KLHL13: variants seen among roughly 807,000 people sequenced by gnomAD.
The protein encoded by KLHL13 is kelch-like protein 13.
KLHL13 carries 10 observed loss-of-function variants against 37.1 expected under a neutral mutation model. The ratio of observed to expected loss-of-function variants is 0.27; its 90% CI spans 0.17 to 0.46. KLHL13 has a LOEUF of 0.46. Ranked by LOEUF, KLHL13 falls within the 20% of genes least tolerant of loss-of-function variation. The pLI, the probability that KLHL13 is intolerant of heterozygous loss-of-function variation, is 1.00. For synonymous variants in KLHL13, 163 were observed against 181.2 expected, an observed-to-expected ratio of 0.90 and a Z score of 0.81; for missense variants, 360 against 509.3, an observed-to-expected ratio of 0.71 and a Z score of 2.82.
intron 2 of KLHL13, among the ~76,000 whole-genome samples, chrX:117,938,360 T>C (rs1234142623): frequency 2.7e-5 from 3 of 111,468 alleles, no homozygotes; most frequent in African/African-American, 9.8e-5. Flanking sequence ...GAAAAGGCCA[T>C]GACTCGGTGG....
chrX:118,093,203 A>C (rs901699749), intron 1 of KLHL13, among the ~76,000 whole-genome samples: 1 of 112,167 alleles, frequency 8.9e-6, no homozygotes, highest in Non-Finnish European at 1.9e-5. Flanking sequence ...AACGTCTTAA[A>C]TAAAATGGCT....
intron 1 of KLHL13, among the ~76,000 whole-genome samples, chrX:117,970,911 T>G: frequency 8.9e-6 from 1 of 111,846 alleles, no homozygotes; most frequent in Non-Finnish European, 1.9e-5. Context: ...CAGCCTACCA[T>G]AAGCTCTTTG....
intron 1 of KLHL13, among the ~76,000 whole-genome samples, chrX:117,952,266 T>A (rs1285126375): frequency 9.0e-6 from 1 of 111,431 alleles, no homozygotes; most frequent in African/African-American, 3.3e-5. Context: ...TACAACTATC[T>A]GATCTTTGAC....
At chrX:117,985,231 G>A (rs912785804) in intron 1 of KLHL13, 1 of 1,119,965 alleles carries the variant, frequency 8.9e-7, no homozygotes. Flanking sequence ...GAAAAGAAAG[G>A]TCTCTTACCA....
At chrX:117,940,612 A>C (rs1932971243) in intron 2 of KLHL13, among the ~76,000 whole-genome samples, 1 of 111,244 alleles carries the variant, frequency 9.0e-6, no homozygotes, top group South Asian at 3.8e-4. Context: ...GTCCTCTCTT[A>C]TTTCCTTGAG....
intron 1 of KLHL13, among the ~76,000 whole-genome samples, chrX:118,035,528 G>C (rs1386907681): frequency 9.2e-6 from 1 of 108,874 alleles, no homozygotes; most frequent in African/African-American, 3.5e-5. Flanking sequence ...AAAGGCCTTT[G>C]ACAAAATTCA....
At chrX:117,973,826 C>T (rs1321986652), upstream of KLHL13, 2 of 556,002 alleles carry the variant, frequency 3.6e-6, no homozygotes, top group Non-Finnish European at 4.3e-6. Flanking sequence ...ACCACCCCCC[C>T]CACTCCTCCC....
At chrX:117,996,498 T>C (rs2053855381) in intron 1 of KLHL13, among the ~76,000 whole-genome samples, 1 of 112,017 alleles carries the variant, frequency 8.9e-6, no homozygotes, top group Non-Finnish European at 1.9e-5. Context: ...TTATGTATGT[T>C]ATAAATACTT....
At chrX:118,059,411 A>G (rs1242199452) in intron 1 of KLHL13, among the ~76,000 whole-genome samples, 1 of 111,612 alleles carries the variant, frequency 9.0e-6, no homozygotes, top group Non-Finnish European at 1.9e-5. Context: ...TCCACTACAA[A>G]TATAGCAAAT....
At chrX:118,026,860 C>A (rs752085454) in intron 1 of KLHL13, among the ~76,000 whole-genome samples, 1 of 111,718 alleles carries the variant, frequency 9.0e-6, no homozygotes, top group South Asian at 3.7e-4. Flanking sequence ...AGATCAGCTG[C>A]AGACAAGAAA....
At chrX:118,031,765 G>T (rs1375181662) in intron 1 of KLHL13, among the ~76,000 whole-genome samples, 1 of 106,496 alleles carries the variant, frequency 9.4e-6, no homozygotes, top group Non-Finnish European at 1.9e-5. Flanking sequence ...GAACAGCTCC[G>T]GTCTACAGCT....
chrX:117,961,390 T>C (rs771820957), intron 1 of KLHL13, among the ~76,000 whole-genome samples: 1 of 112,336 alleles, frequency 8.9e-6, no homozygotes, highest in Non-Finnish European at 1.9e-5. Context: ...GAACACTTTC[T>C]ACAACGCATG....
chrX:118,048,818 C>T (rs2054585958), intron 1 of KLHL13, among the ~76,000 whole-genome samples: 1 of 111,489 alleles, frequency 9.0e-6, no homozygotes, highest in African/African-American at 3.3e-5. Flanking sequence ...AATCATTACT[C>T]AGAGCACATA....
At position 117,961,868 on chromosome X, in the gene KLHL13, T is replaced by C. The variant is rs534305992; in HGVS notation, c.98+10863A>G. Among the ~76,000 whole-genome samples, 36 of 110,338 alleles carry C rather than the reference T, an allele frequency of 3.3e-4. 1 individual carries two copies. The South Asian group carries it at 0.014, about 42-fold the overall frequency. On this transcript the variant is annotated intron_variant, in intron 1 of 6. Transcript: ENST00000262820. ...CCTCAGCCTTGCTGACATTTTTATT[T>C]TAGCCCCGTGAGACCAGTACCAAAT...
intron 1 of KLHL13, among the ~76,000 whole-genome samples, chrX:118,023,174 G>C (rs147032681): frequency 5.1e-4 from 57 of 111,334 alleles, no homozygotes; most frequent in African/African-American, 1.8e-3. Flanking sequence ...CATTAATTAT[G>C]CCTCTTTACT....
Position 118,011,558 on chromosome X carries a change from A to G in KLHL13, c.-55-65983T>C, listed in dbSNP as rs1042775065. 2.7e-5 allele frequency among the ~76,000 whole-genome samples: 3 copies of G among 111,036 alleles called. No individual in the cohort carries two copies. The Admixed American group carries it at 2.9e-4, about 11-fold the overall frequency. ...GGGCCAAATCTAAGGAAGTGATAAT[A>G]AGGATAAAACAGCAGGGGGAGTGAA... On this transcript the variant is annotated intron_variant, in intron 1 of 6. Transcript: ENST00000371882.
intron 4 of KLHL13, among the ~76,000 whole-genome samples, chrX:117,913,874 A>T (rs1019250426): frequency 1.8e-5 from 2 of 110,432 alleles, no homozygotes; most frequent in Non-Finnish European, 3.8e-5. Context: ...AACAACAAAA[A>T]AGGATAAAAC....
At chrX:117,899,137 A>G in exon 7 of KLHL13, 1 of 1,211,761 alleles carries the variant, frequency 8.3e-7, no homozygotes, top group Non-Finnish European at 1.1e-6. Context: ...AGCGACCCCA[A>G]CATCACTCTG....
chrX:118,106,067 A>ATTT (rs1228266636), intron 1 of KLHL13, among the ~76,000 whole-genome samples: 9 of 86,444 alleles, frequency 1.0e-4, no homozygotes, highest in African/African-American at 4.1e-4. Flanking sequence ...ACGCCCAGCT[A>ATTT]TTTTTTTTTT....
Sources: gnomAD v4.1 joint callset for allele counts (sites outside exome capture counted in the v4.1 genomes callset) on GRCh38, gnomAD v4.1.1 for gene constraint, MANE v1.5 for transcripts, NCBI Gene and HGNC (gene_info 2026-07-23, HGNC 2026-07-21) for gene names.